Variants in TASP1 observed in about 807,000 individuals in gnomAD.
The protein encoded by TASP1 is threonine aspartase 1.
TASP1 carries 16 observed loss-of-function variants against 56.6 expected under a neutral mutation model. That is an observed-to-expected ratio of 0.28 (90% CI 0.19 to 0.43). TASP1 has a LOEUF of 0.43. TASP1 is among the 20% of genes least tolerant of loss of function. TASP1 has a pLI of 1.00. For synonymous variants in TASP1, 179 were observed against 184.2 expected, an observed-to-expected ratio of 0.97 and a Z score of 0.23; for missense variants, 393 against 511.6, an observed-to-expected ratio of 0.77 and a Z score of 2.24.
At chr20:13,275,457 G>A in the TASP1 span, among the ~76,000 whole-genome samples, 5 of 152,256 alleles carry the variant, frequency 3.3e-5, no homozygotes, top group East Asian at 3.9e-4. Context: ...AAGCCTGTTC[G>A]GCTCAGATTC....
the TASP1 span, among the ~76,000 whole-genome samples, chr20:13,294,263 A>T: frequency 2.0e-5 from 3 of 152,374 alleles, no homozygotes; most frequent in African/African-American, 7.2e-5. Flanking sequence ...AATTGGATGC[A>T]GTTTGGAAAT....
chr20:13,167,849 T>C, the TASP1 span: 1 of 152,208 alleles, frequency 6.6e-6, no homozygotes, highest in Non-Finnish European at 1.5e-5. Flanking sequence ...CCTGCGTGAT[T>C]CTAATCTATG....
intron 8 of TASP1, among the ~76,000 whole-genome samples, chr20:13,549,637 C>T (rs2045915098): frequency 6.6e-6 from 1 of 151,998 alleles, no homozygotes. Context: ...AGCATCTAAG[C>T]CAATTTCCAG....
the TASP1 span, among the ~76,000 whole-genome samples, chr20:13,155,878 T>C: frequency 6.6e-6 from 1 of 152,192 alleles, no homozygotes; most frequent in Admixed American, 6.5e-5. Flanking sequence ...TTCCCACCAG[T>C]TGGCCCTTTG....
the TASP1 span, among the ~76,000 whole-genome samples, chr20:13,241,426 C>A: frequency 1.1e-4 from 17 of 152,060 alleles, no homozygotes; most frequent in Non-Finnish European, 2.4e-4. Context: ...ATTGATGATG[C>A]AAAACTGAGA....
rs76931396 is a variant in TASP1 at position 13,434,348 on chromosome 20, G to A, written c.1096+696C>T. Among the ~76,000 whole-genome samples the A allele has an allele frequency of 4.2e-3, 643 of 152,262 alleles. 25 individuals carry two copies. The East Asian group carries it at 0.095, about 23-fold the overall frequency. ...ATTTTTTTAATGTGTCCCCTCTGGA[G>A]AGATGGATTAGAAAAAGGCAACCCT... On this transcript the variant is annotated intron_variant, in intron 12 of 13. Coordinates refer to ENST00000337743, the MANE Select transcript of TASP1 (RefSeq NM_017714.3).
At chr20:13,270,715 A>G in the TASP1 span, 1 of 1,613,918 alleles carries the variant, frequency 6.2e-7, no homozygotes, top group Non-Finnish European at 8.5e-7. Context: ...TCCAAAGCTG[A>G]TATCAATGGG....
the TASP1 span, chr20:13,166,100 G>A: frequency 1.3e-5 from 2 of 152,608 alleles, no homozygotes; most frequent in Non-Finnish European, 2.9e-5. Flanking sequence ...GCCCAGATTT[G>A]GAAATTCTAG....
chr20:13,344,223 C>T, the TASP1 span, among the ~76,000 whole-genome samples: 2 of 152,164 alleles, frequency 1.3e-5, no homozygotes. Flanking sequence ...GACCTGCAAG[C>T]TCTAGGGGAC....
At chr20:13,292,151 C>T in the TASP1 span, among the ~76,000 whole-genome samples, 1 of 152,200 alleles carries the variant, frequency 6.6e-6, no homozygotes, top group East Asian at 1.9e-4. Context: ...TATTCAGGCA[C>T]ATTTGGATCT....
the TASP1 span, among the ~76,000 whole-genome samples, chr20:13,324,656 A>C: frequency 6.6e-6 from 1 of 152,348 alleles, no homozygotes; most frequent in African/African-American, 2.4e-5. Context: ...AATGAAAAAC[A>C]AAATGATGCC....
chr20:13,240,622 G>C, the TASP1 span, among the ~76,000 whole-genome samples: 1 of 152,228 alleles, frequency 6.6e-6, no homozygotes, highest in Non-Finnish European at 1.5e-5. Context: ...GGCTGTTCTA[G>C]GATTGGTGAG....
At chr20:13,439,078 C>G (rs1327550387) in intron 11 of TASP1, among the ~76,000 whole-genome samples, 1 of 152,142 alleles carries the variant, frequency 6.6e-6, no homozygotes, top group Admixed American at 6.5e-5. Context: ...CTAGTTCAAC[C>G]ATTGTGGAAG....
chr20:13,299,696 G>T, the TASP1 span: 2 of 435,622 alleles, frequency 4.6e-6, no homozygotes. The surrounding 1 kb of genome is among the most constrained non-coding windows in gnomAD (Gnocchi z 5.8). Context: ...AGCGATGTGG[G>T]CAGAAGGATG....
At chr20:13,531,766 C>T (rs762376999) in intron 9 of TASP1, among the ~76,000 whole-genome samples, 3 of 152,112 alleles carry the variant, frequency 2.0e-5, no homozygotes, top group African/African-American at 2.4e-5. Flanking sequence ...CAGGTTCAAG[C>T]GATTCTCTTG....
intron 8 of TASP1, among the ~76,000 whole-genome samples, chr20:13,551,404 A>G (rs183555381): frequency 2.2e-4 from 34 of 152,274 alleles, no homozygotes; most frequent in African/African-American, 7.7e-4. Flanking sequence ...CAACTGTAAA[A>G]TCTGTTATTA....
the TASP1 span, chr20:13,299,560 T>C: frequency 1.0e-6 from 1 of 990,158 alleles, no homozygotes; most frequent in South Asian, 1.5e-5. The surrounding 1 kb of genome is among the most constrained non-coding windows in gnomAD (Gnocchi z 5.8). Context: ...GCTGCGGTCG[T>C]GTATATTTGT....
At chr20:13,599,706 A>G (rs2047884135) in intron 4 of TASP1, among the ~76,000 whole-genome samples, 1 of 151,970 alleles carries the variant, frequency 6.6e-6, no homozygotes. Context: ...AATTCACCAT[A>G]TTAAGAGAAA....
the TASP1 span, among the ~76,000 whole-genome samples, chr20:13,371,482 T>C: frequency 5.3e-5 from 8 of 151,992 alleles, no homozygotes; most frequent in African/African-American, 1.9e-4. Context: ...TTTCTGTTAC[T>C]TTTAATTTTA....
Sources: gnomAD v4.1 joint callset for allele counts (sites outside exome capture counted in the v4.1 genomes callset) on GRCh38, gnomAD v4.1.1 for gene constraint, Gnocchi (gnomAD v3.1) non-coding constraint, MANE v1.5 for transcripts, NCBI Gene and HGNC (gene_info 2026-07-23, HGNC 2026-07-21) for gene names.